Variants in SLC12A4 observed in about 807,000 individuals in gnomAD.
SLC12A4 encodes the protein electroneutral potassium-chloride cotransporter 1.
SLC12A4 carries 84 observed loss-of-function variants against 119.2 expected under a neutral mutation model. The observed-to-expected ratio is 0.70, with a 90% CI of 0.59 to 0.85. The LOEUF is 0.85. Among genes scored for constraint, SLC12A4 ranks in the 40% least tolerant of loss-of-function variants. SLC12A4 has a pLI of 0.00. For missense variants in SLC12A4, 1,298 were observed against 1,476.3 expected (o/e 0.88, Z 1.98); for synonymous variants, 599 against 604.6 (o/e 0.99, Z 0.14).
chr16:67,959,421 G>C (rs1306216585), intron 3 of SLC12A4, among the ~76,000 whole-genome samples: 1 of 152,214 alleles, frequency 6.6e-6, no homozygotes, highest in African/African-American at 2.4e-5. Flanking sequence ...AAGCTAGGGA[G>C]AAGAGAACTC....
intron 1 of SLC12A4, among the ~76,000 whole-genome samples, chr16:67,967,406 C>T (rs76481097): frequency 0.015 from 2,229 of 152,328 alleles, 29 homozygotes; most frequent in Middle Eastern, 0.099. Flanking sequence ...GTCAACCCTG[C>T]AGGAAACAGG....
upstream of SLC12A4, chr16:67,968,638 G>T (rs964792136): frequency 7.8e-7 from 1 of 1,282,394 alleles, no homozygotes. Flanking sequence ...GGGCCGACAC[G>T]CCCCGCCCGC....
chr16:67,947,543 G>A (rs1483395620), intron 15 of SLC12A4, 108 bp from the exon 16 acceptor site: 1 of 1,494,854 alleles, frequency 6.7e-7, no homozygotes, highest in Non-Finnish European at 9.1e-7. Flanking sequence ...CAGGGGTCCT[G>A]AGTTACAGTC....
At position 67,944,205 on chromosome 16, in the gene SLC12A4, G is replaced by T; in HGVS notation, c.*635C>A. On this transcript the variant is annotated 3_prime_UTR_variant, in exon 24 of 24. Coordinates refer to ENST00000316341, the MANE Select transcript of SLC12A4 (RefSeq NM_005072.5). The surrounding 1 kb of genome is among the most constrained non-coding windows in gnomAD (Gnocchi z 6.6). ...GCCAGTGGGAGGGACGGCCTGGCCAGTGGGGGTTGTGGCCAGAGATTGCCG... is the reference window on the plus strand; with the variant it reads ...GCCAGTGGGAGGGACGGCCTGGCCATTGGGGGTTGTGGCCAGAGATTGCCG... 1 of 1,470,460 alleles carries T rather than the reference G, an allele frequency of 6.8e-7. No individual in the cohort carries two copies. Among genetic ancestry groups the T allele is most frequent in the Non-Finnish European group, 9.0e-7 (1 of 1,105,048 alleles). The allele number at this position is 1,470,460 out of a possible 1,614,324, so 91.1% of individuals were successfully genotyped here.
At position 67,945,088 on chromosome 16, in the gene SLC12A4, G is replaced by A. The variant is rs753929002; in HGVS notation, c.3165C>T (p.Asn1055=). Residue 1055 remains asparagine (N), a splice_region_variant and synonymous_variant, in exon 23 of 24, where the codon AAC becomes AAT. Transcript: ENST00000316341. ...GCCTGCCTCTCCACAAAGGGATACAGTTCTCGTCGCCCTCACTGTTCCTGG... is the reference window on the plus strand; with the variant it reads ...GCCTGCCTCTCCACAAAGGGATACAATTCTCGTCGCCCTCACTGTTCCTGG... The part of the protein sequence containing the change: ...GPPRNSEGDE[N]YMEFLEVLTE... 2 of 1,579,862 alleles carry A rather than the reference G, an allele frequency of 1.3e-6. No individual in the cohort carries two copies. The highest frequency in any genetic ancestry group is 1.7e-6 in the Non-Finnish European group (2 of 1,160,638).
At chr16:67,966,669 AG>A in intron 1 of SLC12A4, 1 of 1,508,286 alleles carries the variant, frequency 6.6e-7, no homozygotes, top group Non-Finnish European at 9.0e-7. Flanking sequence ...GAACTGGGGA[AG>A]GGGCAGGAGA....
At position 67,951,331 on chromosome 16, in the gene SLC12A4, C is replaced by T; in HGVS notation, c.1133-27G>A. The T allele has an allele frequency of 1.2e-6, 2 of 1,600,672 alleles. No individual in the cohort carries two copies. The highest frequency in any genetic ancestry group is 1.7e-6 in the Non-Finnish European group (2 of 1,171,926). ...TGCAGGGGTAGCTGTGTCACCACCA[C>T]AGCTGCCCCCCACTACCCCAGGTAG... On this transcript the variant is annotated intron_variant, in intron 8 of 23. Transcript: ENST00000316341. This position sits in a 1 kb window ranked among gnomAD's most constrained non-coding sequence, Gnocchi z 5.2.
In SLC12A4 at chr16:67,951,408, G is replaced by A; in HGVS notation, c.1133-104C>T. 3 of 1,320,018 alleles carry A rather than the reference G, an allele frequency of 2.3e-6. No homozygotes were observed. The highest frequency in any genetic ancestry group is 3.1e-6 in the Non-Finnish European group (3 of 962,376). 81.8% of individuals were successfully genotyped at this position (1,320,018 alleles called of 1,614,324 possible). A position where few individuals can be genotyped will look rare whatever the true frequency, so the allele number is the denominator to read the frequency against. ...GATGCAGGGCAACTTTGGGGACTCA[G>A]GGAACAGCTTCAGCCCAATGACTGC... On this transcript the variant is annotated intron_variant, in intron 8 of 23. Transcript: ENST00000316341. The surrounding 1 kb of genome is among the most constrained non-coding windows in gnomAD (Gnocchi z 5.2).
Position 67,946,462 on chromosome 16 carries a change from G to A in SLC12A4, c.2413C>T (p.Pro805Ser), listed in dbSNP as rs759252894. Residue 805 changes from proline to serine, a missense_variant, in exon 18 of 24, where the codon CCC becomes TCC. Physicochemically the swap from Pro to Ser is moderately conservative, Grantham distance 74 (BLOSUM62 -1). Coordinates refer to ENST00000316341, the MANE Select transcript of SLC12A4 (RefSeq NM_005072.5). ...CCAATGAAGGTCTTCCAGGCACGGGGGTCCTCGCTCTGTCGCCAGCCGTAG... is the reference window on the plus strand; with the variant it reads ...CCAATGAAGGTCTTCCAGGCACGGGAGTCCTCGCTCTGTCGCCAGCCGTAG... ...WPYGWRQSED[P>S]RAWKTFIDTV... 6 of 1,606,468 alleles carry A rather than the reference G, an allele frequency of 3.7e-6. No individual in the cohort carries two copies. The South Asian group carries it at 6.6e-5, about 18-fold the overall frequency.
Position 67,950,830 on chromosome 16 carries a change from A to G in SLC12A4, c.1397-119T>C. The G allele has an allele frequency of 2.1e-6, 3 of 1,437,806 alleles. No individual in the cohort carries two copies. Among genetic ancestry groups the G allele is most frequent in the Non-Finnish European group, 1.9e-6 (2 of 1,039,026 alleles). The allele number at this position is 1,437,806 out of a possible 1,614,324, so 89.1% of individuals were successfully genotyped here. ...TACAGCTGGGAGTCTCGTGGTGTGT[A>G]TGTGCATGTGTGCATGAGAAGGGGA... On this transcript the variant is annotated intron_variant, in intron 10 of 23. Transcript: ENST00000316341. The surrounding 1 kb of genome is among the most constrained non-coding windows in gnomAD (Gnocchi z 4.3).
Position 67,952,200 on chromosome 16 carries a change from C to G in SLC12A4, c.901G>C (p.Asp301His). 1 of 1,614,052 alleles carries G rather than the reference C, an allele frequency of 6.2e-7. No individual in the cohort carries two copies. Among genetic ancestry groups the G allele is most frequent in the Non-Finnish European group, 8.5e-7 (1 of 1,180,022 alleles). The stretch of plus-strand genomic sequence containing the variant: ...GTTACTTACGGAAACACGGGAGGGT[C>G]AAATATAGACTTTATGCCCCCAGCA... Reference protein sequence around the residue: ...IYAGGIKSIFDPPVFPVCMLG... With the variant: ...IYAGGIKSIFHPPVFPVCMLG... Residue 301 changes from aspartate (D) to histidine (H), a missense_variant, in exon 7 of 24, where the codon GAC becomes CAC. By Grantham distance (81) the Asp-to-His change is moderately conservative (BLOSUM62 -1). Transcript: ENST00000316341.
chr16:67,945,817 G>C lies in SLC12A4; in HGVS notation c.2794C>G (p.Arg932Gly). The change falls in exon 21 of 24, where the codon CGG becomes GGG. Residue 932 changes from arginine to glycine, a missense_variant. Physicochemically the swap from Arg to Gly is moderately radical, Grantham distance 125. Transcript: ENST00000316341. ...TYERTLMMEQ[R>G]SQMLRQMRLT... ...CTCATCTGCCGCAGCATCTGCGACC[G>C]CTGCTCCATCATCAGCGTCCGCTCG... The C allele has an allele frequency of 6.2e-7, 1 of 1,613,930 alleles. No homozygotes were observed. Among genetic ancestry groups the C allele is most frequent in the Non-Finnish European group, 8.5e-7 (1 of 1,180,032 alleles).
intron 5 of SLC12A4, among the ~76,000 whole-genome samples, chr16:67,956,571 G>A (rs1035195261): frequency 9.9e-5 from 15 of 151,868 alleles, no homozygotes; most frequent in Non-Finnish European, 1.9e-4. Context: ...CTACTCAGGA[G>A]GCTGAGGCAT....
rs1245397277 is a variant in SLC12A4, at chr16:67,957,812, C to T, written c.490-16G>A. 6.2e-7 allele frequency: 1 copy of T among 1,614,060 alleles called. No homozygotes were observed. The highest frequency in any genetic ancestry group is 8.5e-7 in the Non-Finnish European group (1 of 1,180,048). On this transcript the variant is annotated splice_polypyrimidine_tract_variant and intron_variant, in intron 4 of 23. Coordinates refer to ENST00000316341, the MANE Select transcript of SLC12A4 (RefSeq NM_005072.5). Reference sequence around the variant, plus strand: ...TCAGCAGGGTCTGTGGGAAGGAGGGCCTGGGTGAGCGGCTCAGCTGGGTGG... The same window carrying T: ...TCAGCAGGGTCTGTGGGAAGGAGGGTCTGGGTGAGCGGCTCAGCTGGGTGG...
chr16:67,965,616 G>A (rs1201725766), intron 1 of SLC12A4, among the ~76,000 whole-genome samples: 1 of 152,208 alleles, frequency 6.6e-6, no homozygotes, highest in African/African-American at 2.4e-5. Flanking sequence ...ACTACAGCCT[G>A]CCCCATCACT....
chr16:67,951,832 C>T lies in SLC12A4; in HGVS notation c.1123G>A (p.Val375Met). The T allele has an allele frequency of 1.9e-6, 3 of 1,612,216 alleles. No homozygotes were observed. Among genetic ancestry groups the T allele is most frequent in the Non-Finnish European group, 2.5e-6 (3 of 1,179,368 alleles). Reference sequence around the variant, plus strand: ...GGGAGGGAGGACCCACCCTGGAGCACACCAGCAGCTGCCCCGGGGATGCCA... The same window carrying T: ...GGGAGGGAGGACCCACCCTGGAGCATACCAGCAGCTGCCCCGGGGATGCCA... ...IPGIPGAAAGVLQENLWSAYL... is the reference protein window; with the variant it reads ...IPGIPGAAAGMLQENLWSAYL... The change falls in exon 8 of 24, where the codon GTG (valine) becomes ATG (methionine). Residue 375 changes from valine to methionine, a missense_variant. Transcript: ENST00000316341. The surrounding 1 kb of genome is among the most constrained non-coding windows in gnomAD (Gnocchi z 5.2).
intron 1 of SLC12A4, among the ~76,000 whole-genome samples, chr16:67,966,565 C>T (rs1404388957): frequency 1.3e-5 from 2 of 152,178 alleles, no homozygotes; most frequent in African/African-American, 4.8e-5. Flanking sequence ...GCCTGAGGTG[C>T]CCCCTCCAGC....
rs977313614 is a variant in SLC12A4, at chr16:67,947,002, T to C, written c.2176A>G (p.Ile726Val). The C allele has an allele frequency of 3.1e-6, 5 of 1,613,152 alleles. No homozygotes were observed. Among genetic ancestry groups the C allele is most frequent in the Middle Eastern group, 1.7e-4 (1 of 6,054 alleles). ...SQLKAGKGLT[I>V]VGSVIQGSFL... is the part of the protein sequence containing the mutation. ...CTCCCCTGGATGACAGAACCAACAATGGTCAGGCCCTTGCCAGCCTTGAGC... is the reference window on the plus strand; with the variant it reads ...CTCCCCTGGATGACAGAACCAACAACGGTCAGGCCCTTGCCAGCCTTGAGC... The change falls in exon 17 of 24, where the codon ATT becomes GTT. Residue 726 changes from isoleucine (I) to valine (V), a missense_variant. Transcript: ENST00000316341.
chr16:67,944,102 T>G lies in SLC12A4; in HGVS notation c.*738A>C. The G allele has an allele frequency of 2.6e-6, 4 of 1,547,320 alleles. No individual in the cohort carries two copies. The highest frequency in any genetic ancestry group is 3.5e-6 in the Non-Finnish European group (4 of 1,145,942). ...GCCATGGGGAGCCGGGCGGCCCCATTCCAGCCCTGGTGCCTACTGCCAGAG... is the reference window on the plus strand; with the variant it reads ...GCCATGGGGAGCCGGGCGGCCCCATGCCAGCCCTGGTGCCTACTGCCAGAG... On this transcript the variant is annotated 3_prime_UTR_variant, in exon 24 of 24. Coordinates refer to ENST00000316341, the MANE Select transcript of SLC12A4 (RefSeq NM_005072.5). This position sits in a 1 kb window ranked among gnomAD's most constrained non-coding sequence, Gnocchi z 6.6.
Sources: allele counts gnomAD v4.1 joint callset (sites outside exome capture counted in the v4.1 genomes callset), GRCh38; gene constraint gnomAD v4.1.1; non-coding constraint Gnocchi (gnomAD v3.1); transcripts MANE v1.5; gene names NCBI Gene and HGNC (gene_info 2026-07-23, HGNC 2026-07-21).